Variants in YLPM1 observed in about 807,000 individuals in gnomAD.
The protein encoded by YLPM1 is YLP motif-containing protein 1.
A neutral mutation model predicts 230.0 loss-of-function variants in YLPM1; 99 were observed. The ratio of observed to expected loss-of-function variants is 0.43; its 90% CI spans 0.37 to 0.51. The LOEUF (loss-of-function observed/expected upper bound fraction) is 0.51. Among genes scored for constraint, YLPM1 ranks in the 20% least tolerant of loss-of-function variants. YLPM1 has a pLI of 0.00. For synonymous variants in YLPM1, 984 were observed against 942.5 expected (o/e 1.04, Z -0.81); for missense variants, 2,592 against 2,707.7 (o/e 0.96, Z 0.95).
intron 4 of YLPM1, among the ~76,000 whole-genome samples, chr14:74,794,718 T>A (rs1474944405): frequency 6.6e-6 from 1 of 152,096 alleles, no homozygotes; most frequent in Non-Finnish European, 1.5e-5. Context: ...TAACACATGT[T>A]AGATAATAAG....
In YLPM1 at chr14:74,772,822, AT is replaced by A. The variant is rs370296279; in HGVS notation, c.874-5617del. On this transcript the variant is annotated intron_variant, in intron 1 of 20. Transcript: ENST00000325680. ...GCTGGCATCATTAGCAAGTTCAGGCATTTTTTTTCTTTCTAAAATAGGGATG... is the reference window on the plus strand; with the variant it reads ...GCTGGCATCATTAGCAAGTTCAGGCATTTTTTTCTTTCTAAAATAGGGATG... 8.9e-4 allele frequency among the ~76,000 whole-genome samples: 135 copies of A among 152,080 alleles called. 5 individuals carry two copies. The South Asian group carries it at 0.019, about 21-fold the overall frequency.
Position 74,768,774 on chromosome 14 carries a change from G to A in YLPM1, c.873+4412G>A, listed in dbSNP as rs74063261. Among the ~76,000 whole-genome samples, 427 of 152,292 alleles carry A rather than the reference G, an allele frequency of 2.8e-3. 1 individual carries two copies. The highest frequency in any genetic ancestry group is 0.01 in the Middle Eastern group (3 of 294). On this transcript the variant is annotated intron_variant, in intron 1 of 20. Coordinates refer to ENST00000325680, the MANE Select transcript of YLPM1 (RefSeq NM_019589.3). ...CTGCCCTCATTGACTTCTTGTTTCA[G>A]TTGTGGGGGAAGGGAGAAGACATTT...
At chr14:74,811,834 A>C in intron 10 of YLPM1, 96 bp downstream of exon 10, 1 of 805,528 alleles carries the variant, frequency 1.2e-6, no homozygotes, top group Non-Finnish European at 1.9e-6. Flanking sequence ...TTAGAGTAAA[A>C]CGTATTCACA....
chr14:74,787,157 T>G (rs1159667574), intron 4 of YLPM1, among the ~76,000 whole-genome samples: 1 of 152,254 alleles, frequency 6.6e-6, no homozygotes, highest in Non-Finnish European at 1.5e-5. Context: ...TTTTATGTCT[T>G]ACTGATTTTG....
At chr14:74,787,099 T>A (rs2091157693) in intron 4 of YLPM1, among the ~76,000 whole-genome samples, 1 of 152,268 alleles carries the variant, frequency 6.6e-6, no homozygotes, top group African/African-American at 2.4e-5. Flanking sequence ...TTGTATTTCC[T>A]CTTTTATGAA....
In YLPM1 at chr14:74,797,850, A is replaced by G. The variant is rs777719746; in HGVS notation, c.2553A>G (p.Gln851=). Residue 851 remains glutamine, a synonymous_variant, in exon 5 of 21, where the codon CAA becomes CAG. Coordinates refer to ENST00000325680, the MANE Select transcript of YLPM1 (RefSeq NM_019589.3). ...KPAFGQQHQQ[Q]PKSQAEPLSG... ...CTTTTGGACAGCAGCATCAGCAGCA[A>G]CCTAAGTCACAAGCAGAACCTCTTT... 1.7e-5 allele frequency: 28 copies of G among 1,614,004 alleles called. No homozygotes were observed. The African/African-American group carries it at 2.9e-4, about 17-fold the overall frequency.
chr14:74,766,121 TCTTA>T (rs1199077887), intron 1 of YLPM1, among the ~76,000 whole-genome samples: 4 of 152,196 alleles, frequency 2.6e-5, no homozygotes, highest in African/African-American at 2.4e-5. Context: ...ACAGGAATTA[TCTTA>T]CTTATCTTCT....
intron 11 of YLPM1, among the ~76,000 whole-genome samples, chr14:74,812,993 A>G (rs2091448873): frequency 6.6e-6 from 1 of 152,330 alleles, no homozygotes; most frequent in South Asian, 2.1e-4. Flanking sequence ...GGCAAAAAAG[A>G]TGTTGAATTT....
At chr14:74,801,624 CA>C (rs1192332198) in intron 5 of YLPM1, among the ~76,000 whole-genome samples, 1 of 152,080 alleles carries the variant, frequency 6.6e-6, no homozygotes, top group Non-Finnish European at 1.5e-5. Context: ...AATCAGATAA[CA>C]AAAATGAGTG....
At position 74,836,962 on chromosome 14, in the gene YLPM1, A is replaced by G. The variant is rs1336276117; in HGVS notation, c.*1224A>G. The G allele has an allele frequency of 6.6e-6, 1 of 152,264 alleles. No homozygotes were observed. Among genetic ancestry groups the G allele is most frequent in the Non-Finnish European group, 1.5e-5 (1 of 68,040 alleles). 9.4% of individuals were successfully genotyped at this position (152,264 alleles called of 1,614,324 possible). On this transcript the variant is annotated 3_prime_UTR_variant, in exon 21 of 21. Coordinates refer to ENST00000325680, the MANE Select transcript of YLPM1 (RefSeq NM_019589.3). ...GATGAGAGAGCCTTCTTCCTCAAGC[A>G]TAATTTGCATTTTGTAATCCAACTC...
chr14:74,829,397 G>A (rs1157852517), intron 19 of YLPM1, 54 bp downstream of exon 19: 4 of 1,604,954 alleles, frequency 2.5e-6, no homozygotes, highest in Non-Finnish European at 3.4e-6. Flanking sequence ...TTAGGCATCT[G>A]GTTTTAGGAA....
At position 74,763,599 on chromosome 14, in the gene YLPM1, C is replaced by G; in HGVS notation, c.110C>G (p.Ser37Trp). 1.9e-6 allele frequency: 3 copies of G among 1,590,976 alleles called. No individual in the cohort carries two copies. The highest frequency in any genetic ancestry group is 1.7e-6 in the Non-Finnish European group (2 of 1,167,700). Residue 37 changes from serine (S) to tryptophan (W), a missense_variant, in exon 1 of 21, where the codon TCG becomes TGG. Physicochemically the swap from Ser to Trp is radical, Grantham distance 177. Coordinates refer to ENST00000325680, the MANE Select transcript of YLPM1 (RefSeq NM_019589.3). ...LPEASPGPGY[S>W]SSTTPAAPSS... ...GAGGCCTCGCCGGGGCCCGGGTACT[C>G]GAGCTCGACGACTCCCGCGGCCCCC...
Position 74,809,564 on chromosome 14 carries a change from T to C in YLPM1, c.4706T>C (p.Val1569Ala), listed in dbSNP as rs894357220. ...PPVIKPQTSA[V>A]EQERWDEDSF... ...GTGATAAAGCCACAAACTTCAGCTG[T>C]AGAACAGGAACGATGGGATGAAGAT... is the stretch of plus-strand genomic sequence containing the variant. Residue 1569 changes from valine (V) to alanine (A), a missense_variant, in exon 7 of 21, where the codon GTA (valine) becomes GCA (alanine). Around this residue, in one of 4 missense-constraint regions of YLPM1, gnomAD observed 403 missense variants for 426.7 expected, o/e 0.94. Coordinates refer to ENST00000325680, the MANE Select transcript of YLPM1 (RefSeq NM_019589.3). 4.4e-6 allele frequency: 7 copies of C among 1,608,426 alleles called. No homozygotes were observed. The African/African-American group carries it at 5.3e-5, about 12-fold the overall frequency.
chr14:74,816,265 A>G lies in YLPM1; in HGVS notation c.5565A>G (p.Arg1855=). Reference sequence around the variant, plus strand: ...AGACACATGTTGCAAAACTTATTCGAGTGAGTATGGGGAAGCTGAAAAATC... The same window carrying G: ...AGACACATGTTGCAAAACTTATTCGGGTGAGTATGGGGAAGCTGAAAAATC... ...SGKTHVAKLI[R]DKEVEFGGPA... The change falls in exon 12 of 21, where the codon CGA becomes CGG. Residue 1855 remains arginine (R), a splice_region_variant and synonymous_variant. Coordinates refer to ENST00000325680, the MANE Select transcript of YLPM1 (RefSeq NM_019589.3). 1 of 1,611,032 alleles carries G rather than the reference A, an allele frequency of 6.2e-7. No homozygotes were observed. The highest frequency in any genetic ancestry group is 8.5e-7 in the Non-Finnish European group (1 of 1,178,774).
At chr14:74,816,783 G>A in intron 13 of YLPM1, 93 bp downstream of exon 13, 1 of 1,476,584 alleles carries the variant, frequency 6.8e-7, no homozygotes, top group East Asian at 2.4e-5. Context: ...TGAGGGCAGG[G>A]ACCTCTCTCT....
chr14:74,801,407 T>C (rs2091323555), intron 5 of YLPM1, among the ~76,000 whole-genome samples: 1 of 152,208 alleles, frequency 6.6e-6, no homozygotes, highest in African/African-American at 2.4e-5. Flanking sequence ...GAGAAAATTG[T>C]AAAAGGTCTT....
At chr14:74,791,100 A>T (rs2091202087) in intron 4 of YLPM1, among the ~76,000 whole-genome samples, 1 of 151,992 alleles carries the variant, frequency 6.6e-6, no homozygotes, top group South Asian at 2.1e-4. Flanking sequence ...AAATTATCCG[A>T]GCCTGGTGAC....
chr14:74,784,384 A>G (rs1392655633), intron 4 of YLPM1, among the ~76,000 whole-genome samples: 1 of 152,248 alleles, frequency 6.6e-6, no homozygotes, highest in Non-Finnish European at 1.5e-5. Flanking sequence ...GTTTGTCACA[A>G]TGAGTCTTGC....
At chr14:74,810,204 T>G in intron 8 of YLPM1, 21 bp from the exon 9 acceptor site, 1 of 1,608,002 alleles carries the variant, frequency 6.2e-7, no homozygotes, top group Non-Finnish European at 8.5e-7. Flanking sequence ...TATAGTTATT[T>G]TGTACTAATT....
Sources: gnomAD v4.1 joint callset for allele counts (sites outside exome capture counted in the v4.1 genomes callset) on GRCh38, gnomAD v4.1.1 for gene constraint, gnomAD v4.1.1 regional missense constraint, MANE v1.5 for transcripts, NCBI Gene and HGNC (gene_info 2026-07-23, HGNC 2026-07-21) for gene names.